The following DAB1 variants were observed in gnomAD, a reference collection of about 807,000 sequenced individuals.
DAB1 encodes the protein disabled homolog 1.
DAB1 carries 15 observed loss-of-function variants against 64.6 expected under a neutral mutation model. That is an observed-to-expected ratio of 0.23 (90% CI 0.16 to 0.36). The LOEUF (loss-of-function observed/expected upper bound fraction) is 0.36. Among genes scored for constraint, DAB1 ranks in the 10% least tolerant of loss-of-function variants. The pLI is 1.00. For missense variants in DAB1, 596 were observed against 706.7 expected (o/e 0.84, Z 1.78); for synonymous variants, 235 against 251.9 (o/e 0.93, Z 0.64).
intron 4 of DAB1, among the ~76,000 whole-genome samples, chr1:58,245,691 T>A (rs1443279646): frequency 6.6e-6 from 1 of 152,142 alleles, no homozygotes; most frequent in Non-Finnish European, 1.5e-5. Context: ...GCTTTCTTTA[T>A]CTGTAAAATA....
chr1:58,024,209 G>A (rs909186070), intron 5 of DAB1, among the ~76,000 whole-genome samples: 1 of 152,144 alleles, frequency 6.6e-6, no homozygotes, highest in African/African-American at 2.4e-5. Context: ...CTGATGGTCA[G>A]GAGAGGGCAA....
At chr1:58,003,188 A>G (rs1429643091) in intron 5 of DAB1, among the ~76,000 whole-genome samples, 2 of 152,200 alleles carry the variant, frequency 1.3e-5, no homozygotes, top group African/African-American at 4.8e-5. Context: ...ACACGTGACA[A>G]TGGATGGCCC....
chr1:57,070,680 C>A, intron 7 of DAB1: 2 of 253,754 alleles, frequency 7.9e-6, no homozygotes, highest in Non-Finnish European at 7.6e-6. Context: ...TCAGAGAAGC[C>A]ACCTCATTAT....
At chr1:57,391,268 A>G (rs1283406598) in intron 1 of DAB1, among the ~76,000 whole-genome samples, 1 of 152,152 alleles carries the variant, frequency 6.6e-6, no homozygotes, top group East Asian at 1.9e-4. Context: ...TAATAAACAC[A>G]CTCAAAGATG....
At chr1:57,927,765 T>C (rs767406252) in intron 5 of DAB1, among the ~76,000 whole-genome samples, 3 of 152,220 alleles carry the variant, frequency 2.0e-5, no homozygotes, top group Non-Finnish European at 4.4e-5. Context: ...ATGACCATTA[T>C]AATCATCTCT....
intron 5 of DAB1, among the ~76,000 whole-genome samples, chr1:58,109,415 G>A (rs1198024163): frequency 2.0e-5 from 3 of 152,150 alleles, no homozygotes; most frequent in Admixed American, 6.5e-5. Context: ...ATCACTCAGG[G>A]TAGCTCTAGA....
At chr1:58,039,233 T>C (rs1215753072) in intron 5 of DAB1, among the ~76,000 whole-genome samples, 1 of 152,170 alleles carries the variant, frequency 6.6e-6, no homozygotes, top group Non-Finnish European at 1.5e-5. Context: ...ACCTCCTTTA[T>C]CTACTCTAGC....
chr1:57,807,410 T>C (rs552934780), intron 6 of DAB1, among the ~76,000 whole-genome samples: 105 of 152,302 alleles, frequency 6.9e-4, no homozygotes, highest in African/African-American at 2.5e-3. Flanking sequence ...CCAGTATCAC[T>C]TGGAGCAGAG....
chr1:58,163,200 A>T (rs1174361898), intron 4 of DAB1, among the ~76,000 whole-genome samples: 2 of 152,204 alleles, frequency 1.3e-5, no homozygotes, highest in Non-Finnish European at 2.9e-5. Flanking sequence ...GTGGACAAAG[A>T]TAAAAATTTC....
intron 3 of DAB1, among the ~76,000 whole-genome samples, chr1:58,418,929 T>G (rs1644746470): frequency 6.6e-6 from 1 of 152,160 alleles, no homozygotes; most frequent in African/African-American, 2.4e-5. Flanking sequence ...AAAACTGAAA[T>G]GTCATTCTTT....
At chr1:58,419,653 C>T (rs1171751536) in intron 3 of DAB1, among the ~76,000 whole-genome samples, 1 of 152,160 alleles carries the variant, frequency 6.6e-6, no homozygotes, top group Non-Finnish European at 1.5e-5. Context: ...CTACCAGCTT[C>T]CCCGTAGGTG....
intron 1 of DAB1, among the ~76,000 whole-genome samples, chr1:57,335,623 T>G (rs938512998): frequency 6.6e-6 from 1 of 152,176 alleles, no homozygotes; most frequent in African/African-American, 2.4e-5. Context: ...AGCCCCCAAA[T>G]GGGTCCTGTA....
chr1:57,470,376 CA>C (rs1214670045), intron 7 of DAB1, among the ~76,000 whole-genome samples: 3 of 152,304 alleles, frequency 2.0e-5, no homozygotes, highest in East Asian at 3.9e-4. Flanking sequence ...TCCAGATTTT[CA>C]AAAACACTTC....
chr1:58,480,539 CA>C (rs1645463324), intron 3 of DAB1, among the ~76,000 whole-genome samples: 1 of 152,064 alleles, frequency 6.6e-6, no homozygotes, highest in African/African-American at 2.4e-5. Flanking sequence ...CACCCCAATG[CA>C]AACTATTTCC....
chr1:57,929,927 A>T (rs1000329512), intron 5 of DAB1, among the ~76,000 whole-genome samples: 1 of 152,224 alleles, frequency 6.6e-6, no homozygotes, highest in African/African-American at 2.4e-5. Flanking sequence ...ACATCCCACC[A>T]GGTGCCCTTC....
At chr1:57,544,928 A>G (rs1644840282) in intron 7 of DAB1, among the ~76,000 whole-genome samples, 1 of 152,202 alleles carries the variant, frequency 6.6e-6, no homozygotes, top group Non-Finnish European at 1.5e-5. Flanking sequence ...TCATTTATAA[A>G]TTACCCAGCC....
At chr1:57,709,294 A>C (rs1260817116) in intron 6 of DAB1, among the ~76,000 whole-genome samples, 1 of 152,192 alleles carries the variant, frequency 6.6e-6, no homozygotes, top group East Asian at 1.9e-4. Context: ...AGTTTATTTT[A>C]ATGACTATAG....
At chr1:58,066,907 C>T (rs2100561929) in intron 5 of DAB1, among the ~76,000 whole-genome samples, 1 of 152,328 alleles carries the variant, frequency 6.6e-6, no homozygotes, top group South Asian at 2.1e-4. Context: ...AGCGACTCTA[C>T]ATTTCACAGG....
chr1:57,860,942 G>A (rs1653989636), intron 1 of DAB1: 1 of 152,298 alleles, frequency 6.6e-6, no homozygotes, highest in African/African-American at 2.4e-5. Context: ...TTGGGTAGCT[G>A]ACCTCGGGCA....
Sources: allele counts gnomAD v4.1 joint callset (sites outside exome capture counted in the v4.1 genomes callset), GRCh38; gene constraint gnomAD v4.1.1; transcripts MANE v1.5; gene names NCBI Gene and HGNC (gene_info 2026-07-23, HGNC 2026-07-21).